Variants in LDLRAD3 observed in about 807,000 individuals in gnomAD.
LDLRAD3 encodes the protein low density lipoprotein receptor class A domain containing 3, also known as low-density lipoprotein receptor class A domain-containing protein 3.
A neutral mutation model predicts 29.4 loss-of-function variants in LDLRAD3; 20 were observed. The ratio of observed to expected loss-of-function variants is 0.68; its 90% CI spans 0.48 to 0.99. The LOEUF (loss-of-function observed/expected upper bound fraction) is 0.99. LDLRAD3 is among the 50% of genes least tolerant of loss of function. The pLI is 0.00. For synonymous variants in LDLRAD3, 157 were observed against 192.7 expected (o/e 0.81, Z 1.53); for missense variants, 420 against 454.3 (o/e 0.92, Z 0.69).
intron 1 of LDLRAD3, among the ~76,000 whole-genome samples, chr11:35,951,146 A>G (rs1851129715): frequency 6.6e-6 from 1 of 152,168 alleles, no homozygotes; most frequent in Non-Finnish European, 1.5e-5. Context: ...AAATTCATAC[A>G]AATTAGAAGT....
chr11:36,172,259 G>A (rs1854608530), intron 4 of LDLRAD3, among the ~76,000 whole-genome samples: 2 of 152,118 alleles, frequency 1.3e-5, no homozygotes, highest in Non-Finnish European at 1.5e-5. Flanking sequence ...TTAGGTATAT[G>A]ATCATATCAT....
intron 1 of LDLRAD3, among the ~76,000 whole-genome samples, chr11:35,946,749 A>G (rs561103160): frequency 6.6e-6 from 1 of 152,110 alleles, no homozygotes; most frequent in South Asian, 2.1e-4. Flanking sequence ...CCCAGGAGTG[A>G]GTGTACTCCC....
chr11:36,120,543 G>C (rs1157904626), intron 4 of LDLRAD3, among the ~76,000 whole-genome samples: 2 of 152,120 alleles, frequency 1.3e-5, no homozygotes, highest in African/African-American at 4.8e-5. Flanking sequence ...AAGAAACCTT[G>C]GGGGAACCTC....
intron 4 of LDLRAD3, among the ~76,000 whole-genome samples, chr11:36,114,868 TC>T (rs1234632549): frequency 6.6e-6 from 1 of 152,188 alleles, no homozygotes; most frequent in Non-Finnish European, 1.5e-5. Context: ...TTAAAGTACA[TC>T]CACAGATTCT....
chr11:36,215,448 G>A (rs1221054869), intron 4 of LDLRAD3, among the ~76,000 whole-genome samples: 2 of 152,168 alleles, frequency 1.3e-5, no homozygotes, highest in Admixed American at 6.5e-5. Flanking sequence ...GACAGTGGCT[G>A]GGAACAGGGA....
At chr11:36,149,581 C>T (rs1364193197) in intron 4 of LDLRAD3, among the ~76,000 whole-genome samples, 1 of 152,170 alleles carries the variant, frequency 6.6e-6, no homozygotes, top group Admixed American at 6.5e-5. Flanking sequence ...TGAATCTGTT[C>T]GCTGCTCCTA....
intron 4 of LDLRAD3, among the ~76,000 whole-genome samples, chr11:36,148,435 C>T (rs1348195133): frequency 6.6e-6 from 1 of 152,150 alleles, no homozygotes; most frequent in African/African-American, 2.4e-5. Context: ...GCAAATCCAA[C>T]TTTTCTATTC....
chr11:35,980,771 A>G (rs1851530651), intron 1 of LDLRAD3, among the ~76,000 whole-genome samples: 2 of 152,256 alleles, frequency 1.3e-5, no homozygotes, highest in Non-Finnish European at 2.9e-5. Context: ...AGATATAGCT[A>G]TGAGAGTTTC....
At chr11:36,026,127 AC>A (rs1246366289) in intron 1 of LDLRAD3, among the ~76,000 whole-genome samples, 1 of 152,082 alleles carries the variant, frequency 6.6e-6, no homozygotes, top group Non-Finnish European at 1.5e-5. Context: ...ATCTGTATGT[AC>A]CCATTAAAAT....
intron 2 of LDLRAD3, among the ~76,000 whole-genome samples, chr11:36,039,308 G>A (rs1262768528): frequency 6.6e-6 from 1 of 152,120 alleles, no homozygotes; most frequent in South Asian, 2.1e-4. Context: ...TAGGAGTGAG[G>A]GTGTGAGCCC....
intron 4 of LDLRAD3, among the ~76,000 whole-genome samples, chr11:36,138,832 C>A (rs1465826210): frequency 6.6e-6 from 1 of 152,176 alleles, no homozygotes; most frequent in Non-Finnish European, 1.5e-5. Flanking sequence ...AGTTAACCTT[C>A]TCTGATTCTG....
At position 36,231,465 on chromosome 11, in the gene LDLRAD3, A is replaced by G. The variant is rs1258421446; in HGVS notation, c.*2068A>G. 1 of 152,160 alleles carries G rather than the reference A, an allele frequency of 6.6e-6. No individual in the cohort carries two copies. Among genetic ancestry groups the G allele is most frequent in the African/African-American group, 2.4e-5 (1 of 41,434 alleles). The allele number at this position is 152,160 out of a possible 1,614,324, so 9.4% of individuals were successfully genotyped here. On this transcript the variant is annotated 3_prime_UTR_variant, in exon 6 of 6. Transcript: ENST00000315571. ...GAACATTTCATCTCCTGTGAGTCAG[A>G]AGGGCTTTATTTCTCCCTTTGATGG...
intron 4 of LDLRAD3, among the ~76,000 whole-genome samples, chr11:36,134,051 T>G (rs907112966): frequency 2.0e-5 from 3 of 151,928 alleles, no homozygotes; most frequent in Non-Finnish European, 4.4e-5. Flanking sequence ...TTGGATCAAG[T>G]ATAACAGGAA....
intron 1 of LDLRAD3, among the ~76,000 whole-genome samples, chr11:35,980,849 T>A (rs1851531556): frequency 6.6e-6 from 1 of 152,216 alleles, no homozygotes; most frequent in Non-Finnish European, 1.5e-5. Context: ...AGATATTTGA[T>A]ATGTCAATTG....
chr11:35,957,803 A>T (rs1369356072), intron 1 of LDLRAD3, among the ~76,000 whole-genome samples: 1 of 145,008 alleles, frequency 6.9e-6, no homozygotes, highest in Non-Finnish European at 1.5e-5. Flanking sequence ...CTCAAAAAAA[A>T]AAAAAAAAAA....
intron 1 of LDLRAD3, among the ~76,000 whole-genome samples, chr11:36,018,547 A>T (rs1852052281): frequency 7.1e-6 from 1 of 141,762 alleles, no homozygotes; most frequent in South Asian, 2.1e-4. Flanking sequence ...TGCTATAAAT[A>T]AAAAAAACCC....
chr11:36,049,636 G>A (rs968415131), intron 2 of LDLRAD3, among the ~76,000 whole-genome samples: 2 of 152,368 alleles, frequency 1.3e-5, no homozygotes, highest in Non-Finnish European at 2.9e-5. Flanking sequence ...TGTAGGGAAT[G>A]TCTTAGGTCT....
At chr11:36,142,959 G>C (rs978951913) in intron 4 of LDLRAD3, among the ~76,000 whole-genome samples, 10 of 152,150 alleles carry the variant, frequency 6.6e-5, no homozygotes, top group African/African-American at 2.4e-4. Context: ...ATGGGATTTA[G>C]GTACATTTGA....
In LDLRAD3 at chr11:36,081,790, G is replaced by A. The variant is rs116279330; in HGVS notation, c.319+12G>A. The A allele has an allele frequency of 8.5e-3, 13,671 of 1,614,064 alleles. 881 individuals carry two copies. The African/African-American group carries it at 0.15, about 18-fold the overall frequency. On this transcript the variant is annotated intron_variant, in intron 3 of 5. Coordinates refer to ENST00000315571, the MANE Select transcript of LDLRAD3 (RefSeq NM_174902.4). ...TGAAGAGAACTGCAGTAAGTGCTGCGCACTTGAACACTGTGATCCCTTGTT... is the reference window on the plus strand; with the variant it reads ...TGAAGAGAACTGCAGTAAGTGCTGCACACTTGAACACTGTGATCCCTTGTT...
Sources: allele counts gnomAD v4.1 joint callset (sites outside exome capture counted in the v4.1 genomes callset), GRCh38; gene constraint gnomAD v4.1.1; transcripts MANE v1.5; gene names NCBI Gene and HGNC (gene_info 2026-07-23, HGNC 2026-07-21).